Variants in FOXP2 observed in about 807,000 individuals in gnomAD.
The protein encoded by FOXP2 is forkhead box protein P2.
FOXP2 carries 12 observed loss-of-function variants against 115.8 expected under a neutral mutation model. The observed-to-expected ratio is 0.10, with a 90% CI of 0.07 to 0.17. The LOEUF is 0.17. FOXP2 is among the 10% of genes least tolerant of loss of function. The pLI is 1.00. For missense variants in FOXP2, 629 were observed against 843.5 expected (o/e 0.75, Z 3.15); for synonymous variants, 328 against 297.7 (o/e 1.10, Z -1.05).
chr7:114,178,278 A>C (rs953307682), intron 1 of FOXP2, among the ~76,000 whole-genome samples: 1 of 151,894 alleles, frequency 6.6e-6, no homozygotes, highest in Admixed American at 6.6e-5. Context: ...AATTCTCCCA[A>C]GATCTTTAGG....
intron 8 of FOXP2, among the ~76,000 whole-genome samples, chr7:114,646,911 TTG>T (rs1316122877): frequency 6.6e-6 from 1 of 151,994 alleles, no homozygotes; most frequent in Non-Finnish European, 1.5e-5. Flanking sequence ...TCAGAGGACT[TTG>T]TTTTCCTTTG....
intron 2 of FOXP2, among the ~76,000 whole-genome samples, chr7:114,493,653 CACAT>C (rs1055995269): frequency 6.6e-6 from 1 of 152,014 alleles, no homozygotes; most frequent in Non-Finnish European, 1.5e-5. Flanking sequence ...CACCCACACA[CACAT>C]ACTCTCTCTC....
chr7:114,099,163 G>A (rs926101907), intron 1 of FOXP2, among the ~76,000 whole-genome samples: 12 of 151,902 alleles, frequency 7.9e-5, no homozygotes, highest in Non-Finnish European at 1.8e-4. Flanking sequence ...CAGAAAAAAA[G>A]CACTCATACA....
At chr7:114,583,946 G>A (rs1801994511) in intron 3 of FOXP2, among the ~76,000 whole-genome samples, 1 of 152,052 alleles carries the variant, frequency 6.6e-6, no homozygotes, top group Non-Finnish European at 1.5e-5. Context: ...AAAGTATCGA[G>A]TATATCAAAT....
chr7:114,571,292 C>T (rs1801288282), intron 3 of FOXP2, among the ~76,000 whole-genome samples: 1 of 151,786 alleles, frequency 6.6e-6, no homozygotes, highest in African/African-American at 2.4e-5. Flanking sequence ...TATAAATATA[C>T]CAAGGCCTTT....
chr7:114,256,181 C>A (rs1222573586), intron 1 of FOXP2, among the ~76,000 whole-genome samples: 1 of 152,168 alleles, frequency 6.6e-6, no homozygotes, highest in African/African-American at 2.4e-5. Context: ...TGGCTCACTG[C>A]AAGCTCTGCC....
At chr7:114,616,725 A>G (rs189997298) in intron 3 of FOXP2, among the ~76,000 whole-genome samples, 4 of 152,260 alleles carry the variant, frequency 2.6e-5, no homozygotes, top group Non-Finnish European at 4.4e-5. Context: ...TTTAACTATC[A>G]TTGATATGCT....
chr7:114,538,653 GCTAA>G (rs765422447), intron 3 of FOXP2, among the ~76,000 whole-genome samples: 26 of 151,624 alleles, frequency 1.7e-4, no homozygotes, highest in Non-Finnish European at 3.1e-4. Flanking sequence ...AAGATGTTGG[GCTAA>G]CTGATGAACA....
intron 15 of FOXP2, among the ~76,000 whole-genome samples, chr7:114,663,800 A>G (rs1807016258): frequency 6.6e-6 from 1 of 152,144 alleles, no homozygotes. Flanking sequence ...ATGCATTAAT[A>G]TTTATCCAGG....
At chr7:114,502,499 G>C (rs1005709086) in intron 2 of FOXP2, among the ~76,000 whole-genome samples, 1 of 152,052 alleles carries the variant, frequency 6.6e-6, no homozygotes, top group Admixed American at 6.6e-5. Flanking sequence ...ATGGAAGGCT[G>C]AAAGTGTATA....
intron 2 of FOXP2, among the ~76,000 whole-genome samples, chr7:114,482,861 TA>T (rs1796618222): frequency 6.6e-6 from 1 of 151,654 alleles, no homozygotes; most frequent in South Asian, 2.1e-4. Flanking sequence ...CACTCACATT[TA>T]ATAATTGTAA....
chr7:114,623,078 A>T (rs1804341287), intron 3 of FOXP2, among the ~76,000 whole-genome samples: 1 of 151,976 alleles, frequency 6.6e-6, no homozygotes, highest in Admixed American at 6.6e-5. Context: ...AGATTTTACA[A>T]CTTAAAATAA....
chr7:114,163,702 T>G (rs1238092765), intron 1 of FOXP2, among the ~76,000 whole-genome samples: 1 of 152,234 alleles, frequency 6.6e-6, no homozygotes, highest in Non-Finnish European at 1.5e-5. Context: ...TTTGTTGCTG[T>G]TCAGAAGTTG....
intron 2 of FOXP2, among the ~76,000 whole-genome samples, chr7:114,459,702 A>G (rs1293903546): frequency 1.3e-5 from 2 of 148,354 alleles, no homozygotes; most frequent in African/African-American, 5.0e-5. Flanking sequence ...AGCAACCTCC[A>G]TCTCCCGGAT....
intron 1 of FOXP2, among the ~76,000 whole-genome samples, chr7:114,176,263 CCTTTCTTTCTTT>C (rs377227249): frequency 1.6e-4 from 20 of 123,520 alleles, no homozygotes; most frequent in South Asian, 5.1e-4. Flanking sequence ...TCTCTCTTTC[CCTTTCTTTCTTT>C]CTTTCTTTCT....
intron 3 of FOXP2, among the ~76,000 whole-genome samples, chr7:114,544,446 C>T (rs1362348159): frequency 6.6e-6 from 1 of 152,094 alleles, no homozygotes; most frequent in Admixed American, 6.6e-5. Flanking sequence ...AGACACAGAA[C>T]CTTTAATACC....
At chr7:114,500,311 G>T (rs1408289387) in intron 2 of FOXP2, among the ~76,000 whole-genome samples, 1 of 151,244 alleles carries the variant, frequency 6.6e-6, no homozygotes, top group Non-Finnish European at 1.5e-5. Flanking sequence ...TTTTTTCGTC[G>T]TCAGTGAGGC....
intron 1 of FOXP2, among the ~76,000 whole-genome samples, chr7:114,205,650 C>T (rs1794182023): frequency 6.6e-6 from 1 of 151,982 alleles, no homozygotes; most frequent in South Asian, 2.1e-4. Context: ...ATTAGGGGAC[C>T]ATTTTTGAGA....
chr7:114,169,626 A>G (rs1000663249), intron 1 of FOXP2, among the ~76,000 whole-genome samples: 1 of 152,108 alleles, frequency 6.6e-6, no homozygotes, highest in Admixed American at 6.5e-5. Flanking sequence ...TAATGCTGAA[A>G]TAAGGCTTTG....
Sources: gnomAD v4.1 joint callset for allele counts (sites outside exome capture counted in the v4.1 genomes callset) on GRCh38, gnomAD v4.1.1 for gene constraint, MANE v1.5 for transcripts, NCBI Gene and HGNC (gene_info 2026-07-23, HGNC 2026-07-21) for gene names.